The following CNTNAP2 variants were observed in gnomAD, a reference collection of about 807,000 sequenced individuals.
The protein encoded by CNTNAP2 is contactin associated protein 2.
In CNTNAP2, 98 loss-of-function variants were observed where a neutral mutation model predicts 155.2. That is an observed-to-expected ratio of 0.63 (90% CI 0.54 to 0.75). CNTNAP2 has a LOEUF of 0.75. Ranked by LOEUF, CNTNAP2 falls within the 30% of genes least tolerant of loss-of-function variation. The pLI, the probability that CNTNAP2 is intolerant of heterozygous loss-of-function variation, is 0.00. For missense variants in CNTNAP2, 1,727 were observed against 1,688.1 expected (o/e 1.02, Z -0.40); for synonymous variants, 651 against 631.2 (o/e 1.03, Z -0.47).
intron 13 of CNTNAP2, among the ~76,000 whole-genome samples, chr7:147,764,262 C>A (rs2116524410): frequency 6.6e-6 from 1 of 152,264 alleles, no homozygotes; most frequent in South Asian, 2.1e-4. Context: ...GGAGGGTCAA[C>A]TGCTCCTCAG....
At chr7:147,624,533 A>T (rs958672804) in intron 12 of CNTNAP2, among the ~76,000 whole-genome samples, 14 of 152,206 alleles carry the variant, frequency 9.2e-5, no homozygotes, top group Admixed American at 9.2e-4. Flanking sequence ...GATCATCAGA[A>T]AATGCAAATC....
intron 3 of CNTNAP2, among the ~76,000 whole-genome samples, chr7:146,944,501 G>A (rs1797117575): frequency 1.3e-5 from 2 of 152,228 alleles, no homozygotes; most frequent in East Asian, 3.9e-4. Flanking sequence ...ATAATGTTAA[G>A]TGGATAAGGT....
chr7:148,277,051 G>T (rs758997900), intron 21 of CNTNAP2, among the ~76,000 whole-genome samples: 1 of 152,128 alleles, frequency 6.6e-6, no homozygotes, highest in African/African-American at 2.4e-5. Context: ...TCAGTTTCTC[G>T]AAGAGCCTTT....
intron 1 of CNTNAP2, among the ~76,000 whole-genome samples, chr7:146,756,885 A>G (rs35612635): frequency 0.068 from 10,305 of 152,156 alleles, 493 homozygotes; most frequent in Admixed American, 0.13. Context: ...TAACACGTAT[A>G]TATGTAATTT....
intron 15 of CNTNAP2, among the ~76,000 whole-genome samples, chr7:148,019,547 C>A (rs1003879986): frequency 1.3e-5 from 2 of 152,130 alleles, no homozygotes; most frequent in East Asian, 1.9e-4. Context: ...GCAACCACCC[C>A]CCAGGTCCAA....
At chr7:147,624,158 A>C (rs1399458512) in intron 12 of CNTNAP2, among the ~76,000 whole-genome samples, 1 of 152,160 alleles carries the variant, frequency 6.6e-6, no homozygotes, top group Non-Finnish European at 1.5e-5. Context: ...ATCTACTACA[A>C]GAAAACACTG....
chr7:148,131,136 C>A (rs1234803084), intron 16 of CNTNAP2, among the ~76,000 whole-genome samples: 4 of 126,298 alleles, frequency 3.2e-5, no homozygotes, highest in African/African-American at 6.3e-5. Context: ...CTCTCTGTTG[C>A]CCAGGCCAGA....
intron 21 of CNTNAP2, among the ~76,000 whole-genome samples, chr7:148,300,445 G>A (rs1397760127): frequency 6.6e-6 from 1 of 152,066 alleles, no homozygotes; most frequent in East Asian, 1.9e-4. Context: ...ATTACAGAAA[G>A]GATAGTCTTT....
rs559805998 is a variant in CNTNAP2 at position 147,938,686 on chromosome 7, TG to T, written c.2255+34967del. ...CAGGATTTTTTTTAAGTAACTAAAC[TG>T]GTACAATTTATAAAGTACACATACT... On this transcript the variant is annotated intron_variant, in intron 14 of 23. Transcript: ENST00000361727. Among the ~76,000 whole-genome samples, 423 of 152,296 alleles carry T rather than the reference TG, an allele frequency of 2.8e-3. 3 individuals are homozygous for T. The highest frequency in any genetic ancestry group is 9.9e-3 in the African/African-American group (411 of 41,578).
chr7:148,267,364 T>C (rs1585228985), intron 21 of CNTNAP2, among the ~76,000 whole-genome samples: 1 of 152,098 alleles, frequency 6.6e-6, no homozygotes, highest in South Asian at 2.1e-4. Context: ...TTGAAATACA[T>C]TGTGATTAGG....
intron 1 of CNTNAP2, among the ~76,000 whole-genome samples, chr7:146,612,294 A>G (rs1046222150): frequency 6.6e-6 from 1 of 152,184 alleles, no homozygotes; most frequent in Non-Finnish European, 1.5e-5. Flanking sequence ...TGTTCCATGC[A>G]ATATGTTAAC....
chr7:147,403,738 A>T (rs1339190285), intron 10 of CNTNAP2, among the ~76,000 whole-genome samples: 3 of 152,084 alleles, frequency 2.0e-5, no homozygotes, highest in Non-Finnish European at 4.4e-5. Flanking sequence ...TTCAGTCCAG[A>T]CTCTAGAGGT....
At position 146,127,835 on chromosome 7, in the gene CNTNAP2, A is replaced by C. The variant is rs567180224; in HGVS notation, c.97+10862A>C. Among the ~76,000 whole-genome samples, 5 of 152,320 alleles carry C rather than the reference A, an allele frequency of 3.3e-5. No homozygotes were observed. The East Asian group carries it at 7.7e-4, about 23-fold the overall frequency. On this transcript the variant is annotated intron_variant, in intron 1 of 23. Coordinates refer to ENST00000361727, the MANE Select transcript of CNTNAP2 (RefSeq NM_014141.6). ...GTAGCTTCTGAAAAACTTGATAACT[A>C]TATATATTTAGTGTGTAATAATCCA...
At chr7:147,595,595 T>C (rs1800812992) in intron 12 of CNTNAP2, among the ~76,000 whole-genome samples, 1 of 152,126 alleles carries the variant, frequency 6.6e-6, no homozygotes, top group Non-Finnish European at 1.5e-5. Flanking sequence ...TAGTGAAGAG[T>C]ATTCTTCATC....
At chr7:148,151,001 T>G (rs1446908072) in intron 17 of CNTNAP2, among the ~76,000 whole-genome samples, 2 of 151,982 alleles carry the variant, frequency 1.3e-5, no homozygotes, top group Admixed American at 1.3e-4. Context: ...ATTACAGGCA[T>G]GAGCCACCAT....
chr7:147,286,575 A>G (rs969594887), intron 8 of CNTNAP2, among the ~76,000 whole-genome samples: 2 of 152,114 alleles, frequency 1.3e-5, no homozygotes, highest in Admixed American at 1.3e-4. Context: ...AAATGGTGCA[A>G]TTAAAGAATG....
intron 1 of CNTNAP2, among the ~76,000 whole-genome samples, chr7:146,747,785 A>G (rs1801834068): frequency 6.6e-6 from 1 of 152,178 alleles, no homozygotes; most frequent in Non-Finnish European, 1.5e-5. Context: ...AAGTCCTTAC[A>G]TATAGATCCC....
intron 1 of CNTNAP2, among the ~76,000 whole-genome samples, chr7:146,235,784 T>A (rs1799463212): frequency 6.6e-6 from 1 of 152,102 alleles, no homozygotes; most frequent in South Asian, 2.1e-4. Flanking sequence ...GCATGACAGT[T>A]CTGCTGTAAG....
chr7:146,709,033 A>G (rs908967113), intron 1 of CNTNAP2, among the ~76,000 whole-genome samples: 4 of 152,184 alleles, frequency 2.6e-5, no homozygotes, highest in African/African-American at 9.6e-5. Flanking sequence ...CTTATTTTCT[A>G]TATATGAATG....
Sources: allele counts gnomAD v4.1 joint callset (sites outside exome capture counted in the v4.1 genomes callset), GRCh38; gene constraint gnomAD v4.1.1; transcripts MANE v1.5; gene names NCBI Gene and HGNC (gene_info 2026-07-23, HGNC 2026-07-21).